Variants in FRMD1 observed in about 807,000 individuals in gnomAD.
FRMD1 encodes FERM domain containing 1.
A neutral mutation model predicts 54.9 loss-of-function variants in FRMD1; 51 were observed. The ratio of observed to expected loss-of-function variants is 0.93; its 90% confidence interval spans 0.74 to 1.17. FRMD1 has a LOEUF of 1.17. FRMD1 is among the 50% of genes most tolerant of loss of function. The probability of loss-of-function intolerance (pLI) is 0.00; values close to 1 mark genes in which losing one functional copy is unlikely to be tolerated. For missense variants in FRMD1, 729 were observed against 743.0 expected (o/e 0.98, Z 0.22); for synonymous variants, 324 against 306.4 (o/e 1.06, Z -0.60).
chr6:168,078,812 A>ATGG, intron 1 of FRMD1, 70 bp downstream of exon 1: 1 of 1,155,672 alleles, frequency 8.7e-7, no homozygotes, highest in South Asian at 1.9e-5. Flanking sequence ...GCTCACCCCC[A>ATGG]CGGCCACCCG....
At chr6:168,057,751 A>C in intron 10 of FRMD1, 1 of 199,156 alleles carries the variant, frequency 5.0e-6, no homozygotes. Flanking sequence ...TGACTGTCCA[A>C]GGTCCCGTCC....
chr6:168,075,935 T>C (rs1800574687), intron 1 of FRMD1: 1 of 149,618 alleles, frequency 6.7e-6, no homozygotes, highest in Non-Finnish European at 1.0e-5. Flanking sequence ...ACATTTCCGG[T>C]GCCCGGTGTC....
In FRMD1 at chr6:168,059,237, A is replaced by G. The variant is rs1460297119; in HGVS notation, c.1343-49T>C. The G allele has an allele frequency of 2.0e-6, 3 of 1,497,382 alleles. No individual in the cohort carries two copies. The highest frequency in any genetic ancestry group is 1.2e-5 in the South Asian group (1 of 83,220). 92.8% of individuals were successfully genotyped at this position (1,497,382 alleles called of 1,614,324 possible). Reference sequence around the variant, plus strand: ...CACAGGTGTCTGGGTTCTGCCCGACATGGCTCCTCCCCAGGGCAGTTCCCT... The same window carrying G: ...CACAGGTGTCTGGGTTCTGCCCGACGTGGCTCCTCCCCAGGGCAGTTCCCT... On this transcript the variant is annotated intron_variant, in intron 9 of 10. Transcript: ENST00000283309. The surrounding 1 kb of genome is among the most constrained non-coding windows in gnomAD (Gnocchi z 4.4).
rs1467401499 is a variant in FRMD1, at chr6:168,054,274, G to A, written c.*2823C>T. The A allele has an allele frequency of 6.6e-6, 1 of 152,268 alleles. No individual in the cohort carries two copies. The highest frequency in any genetic ancestry group is 2.4e-5 in the African/African-American group (1 of 41,458). 9.4% of individuals were successfully genotyped at this position (152,268 alleles called of 1,614,324 possible). On this transcript the variant is annotated 3_prime_UTR_variant, in exon 11 of 11. Coordinates refer to ENST00000283309, the MANE Select transcript of FRMD1 (RefSeq NM_024919.6). ...GAAACCCAGCCTGAACAAGCTCTCTGGGTCGTTCTTGCGAGTCTGGACCTG... is the reference window on the plus strand; with the variant it reads ...GAAACCCAGCCTGAACAAGCTCTCTAGGTCGTTCTTGCGAGTCTGGACCTG...
rs373718050 is a variant in FRMD1, at chr6:168,062,880, G to T, written c.870+14C>A. Reference sequence around the variant, plus strand: ...GGACGAGGGGCTCTGTGAGGCTGGAGCCCCTTCGGTCACCTGGTAGATGTG... The same window carrying T: ...GGACGAGGGGCTCTGTGAGGCTGGATCCCCTTCGGTCACCTGGTAGATGTG... On this transcript the variant is annotated intron_variant, in intron 7 of 10. Transcript: ENST00000283309. 1.2e-6 allele frequency: 2 copies of T among 1,612,744 alleles called. No individual in the cohort carries two copies. The highest frequency in any genetic ancestry group is 1.7e-6 in the Non-Finnish European group (2 of 1,178,800).
Position 168,061,796 on chromosome 6 carries a change from C to T in FRMD1, c.1045+11G>A, listed in dbSNP as rs959768622. On this transcript the variant is annotated intron_variant, in intron 8 of 10. Transcript: ENST00000283309. ...CGGCTGCGGAGCCCAGCATACCCAGCCCAGCCCCACCTTCTGCCTCCTCCC... is the reference window on the plus strand; with the variant it reads ...CGGCTGCGGAGCCCAGCATACCCAGTCCAGCCCCACCTTCTGCCTCCTCCC... The T allele has an allele frequency of 1.9e-6, 3 of 1,544,842 alleles. No individual in the cohort carries two copies. The African/African-American group carries it at 4.1e-5, about 21-fold the overall frequency.
At chr6:168,087,323 C>T (rs902388) in intron 1 of FRMD1, among the ~76,000 whole-genome samples, 109,161 of 152,138 alleles carry the variant, frequency 0.72, 39,175 homozygotes, top group Middle Eastern at 0.83. Context: ...CCAACCTCGC[C>T]TCCCAAAGTG....
At chr6:168,065,412 C>A in intron 4 of FRMD1, 1 of 1,043,128 alleles carries the variant, frequency 9.6e-7, no homozygotes, top group Non-Finnish European at 1.2e-6. Flanking sequence ...GTGCACAGGG[C>A]CTGGACAACT....
chr6:168,071,533 C>T (rs1735964268), intron 2 of FRMD1, among the ~76,000 whole-genome samples: 1 of 152,150 alleles, frequency 6.6e-6, no homozygotes, highest in African/African-American at 2.4e-5. Context: ...CCTCCTCCTG[C>T]AGAGGCGGAT....
chr6:168,063,888 G>C, intron 5 of FRMD1, 132 bp from the exon 6 acceptor site: 1 of 1,044,552 alleles, frequency 9.6e-7, no homozygotes, highest in Non-Finnish European at 1.3e-6. Flanking sequence ...GCCAGGGCCT[G>C]GCTGCTGAGC....
chr6:168,058,364 G>C lies in FRMD1; in HGVS notation c.1407+760C>G, dbSNP rs1466827651. On this transcript the variant is annotated intron_variant, in intron 10 of 10. Coordinates refer to ENST00000283309, the MANE Select transcript of FRMD1 (RefSeq NM_024919.6). The stretch of plus-strand genomic sequence containing the variant: ...CATGCAGCCTCTCGTGCCCAGCCCT[G>C]TTCTCTCTCTCCATCTGCCTCCCGT... 1.5e-4 allele frequency among the ~76,000 whole-genome samples: 16 copies of C among 103,316 alleles called. No homozygotes were observed. The South Asian group carries it at 2.0e-3, about 13-fold the overall frequency. The allele number at this position is 103,316 out of a possible 152,430, so 67.8% of individuals were successfully genotyped here.
Position 168,075,348 on chromosome 6 carries a change from T to C in FRMD1, c.214-13A>G, listed in dbSNP as rs752414934. ...CAGTAGCCTTCACCTGCAAAAGAGG[T>C]GGGGAGGGGTTCAGGGAGGGGCCGG... On this transcript the variant is annotated splice_polypyrimidine_tract_variant and intron_variant, in intron 1 of 10. Coordinates refer to ENST00000283309, the MANE Select transcript of FRMD1 (RefSeq NM_024919.6). The C allele has an allele frequency of 6.2e-7, 1 of 1,609,378 alleles. No individual in the cohort carries two copies. The highest frequency in any genetic ancestry group is 8.5e-7 in the Non-Finnish European group (1 of 1,178,330).
intron 2 of FRMD1, among the ~76,000 whole-genome samples, chr6:168,068,860 G>A (rs1800164109): frequency 6.6e-6 from 1 of 152,252 alleles, no homozygotes; most frequent in South Asian, 2.1e-4. Flanking sequence ...ACCCACAGAG[G>A]CCTGCAGAAA....
chr6:168,093,051 C>G (rs993885147), intron 1 of FRMD1: 3 of 152,172 alleles, frequency 2.0e-5, no homozygotes, highest in African/African-American at 7.2e-5. Context: ...TGGCGGCAGG[C>G]AAGAGGGCGT....
At chr6:168,079,686 G>C (rs1293942870), upstream of FRMD1, among the ~76,000 whole-genome samples, 2 of 152,178 alleles carry the variant, frequency 1.3e-5, no homozygotes, top group African/African-American at 4.8e-5. Flanking sequence ...AGGGACCCTG[G>C]CTCCCTTTAG....
At chr6:168,061,139 G>C (rs1799709903) in intron 8 of FRMD1, 82 bp from the exon 9 acceptor site, 1 of 1,373,098 alleles carries the variant, frequency 7.3e-7, no homozygotes, top group Non-Finnish European at 9.9e-7. Context: ...CCGGGAGACA[G>C]AAATGCACAC....
At chr6:168,075,633 G>A in intron 1 of FRMD1, 1 of 887,906 alleles carries the variant, frequency 1.1e-6, no homozygotes, top group South Asian at 1.4e-5. Flanking sequence ...AGACCAGTCA[G>A]GGACACACGA....
At chr6:168,062,852 G>C in intron 7 of FRMD1, 42 bp downstream of exon 7, 1 of 1,602,164 alleles carries the variant, frequency 6.2e-7, no homozygotes, top group East Asian at 2.2e-5. Context: ...GGGGGTGGGG[G>C]CAGGACGAGG....
rs748162138 is a variant in FRMD1, at chr6:168,079,062, G to A, written c.33C>T (p.Asp11=). Residue 11 remains aspartate, a synonymous_variant, in exon 1 of 11, where the codon GAC becomes GAT. Coordinates refer to ENST00000283309, the MANE Select transcript of FRMD1 (RefSeq NM_024919.6). The part of the protein sequence containing the change: MAVPPRGRGI[D]PARTNPDTFP... ...ACGTGTCAGGGTTTGTCCGGGCGGGGTCTATGCCCCTCCCTCTCGGGGGCA... is the reference window on the plus strand; with the variant it reads ...ACGTGTCAGGGTTTGTCCGGGCGGGATCTATGCCCCTCCCTCTCGGGGGCA... 3.7e-6 allele frequency: 6 copies of A among 1,609,276 alleles called. No homozygotes were observed. Among genetic ancestry groups the A allele is most frequent in the African/African-American group, 1.3e-5 (1 of 74,906 alleles).
Sources: allele counts gnomAD v4.1 joint callset (sites outside exome capture counted in the v4.1 genomes callset), GRCh38; gene constraint gnomAD v4.1.1; non-coding constraint Gnocchi (gnomAD v3.1); transcripts MANE v1.5; gene names NCBI Gene and HGNC (gene_info 2026-07-23, HGNC 2026-07-21).